The following SLC7A7 variants were observed in gnomAD, a reference collection of about 807,000 sequenced individuals.
The protein encoded by SLC7A7 is solute carrier family 7 member 7.
A neutral mutation model predicts 47.9 loss-of-function variants in SLC7A7; 39 were observed. The ratio of observed to expected loss-of-function variants is 0.81; its 90% CI spans 0.63 to 1.06. The LOEUF is 1.06. Among genes scored for constraint, SLC7A7 ranks in the 50% least tolerant of loss-of-function variants. The probability of loss-of-function intolerance (pLI) is 0.00; values close to 1 mark genes in which losing one functional copy is unlikely to be tolerated. For missense variants in SLC7A7, 588 were observed against 632.0 expected, an observed-to-expected ratio of 0.93 and a Z score of 0.75; for synonymous variants, 234 against 242.8, an observed-to-expected ratio of 0.96 and a Z score of 0.34.
chr14:22,797,189 G>A (rs2139430382), intron 2 of SLC7A7, among the ~76,000 whole-genome samples: 1 of 152,268 alleles, frequency 6.6e-6, no homozygotes, highest in Non-Finnish European at 1.5e-5. Context: ...CTAACTGTAT[G>A]CAAGAATGTG....
intron 2 of SLC7A7, among the ~76,000 whole-genome samples, chr14:22,803,714 C>T (rs1242179414): frequency 6.6e-6 from 1 of 152,100 alleles, no homozygotes; most frequent in Admixed American, 6.6e-5. Flanking sequence ...ACATAGGCCA[C>T]GGTAGAAATG....
At chr14:22,817,344 AT>A (rs2039421186), upstream of SLC7A7, 8 of 201,982 alleles carry the variant, frequency 4.0e-5, no homozygotes, top group South Asian at 5.9e-5. Context: ...ATTTTATTTT[AT>A]TTTATTTATT....
chr14:22,802,437 A>T (rs2039132642), intron 2 of SLC7A7, among the ~76,000 whole-genome samples: 1 of 32,022 alleles, frequency 3.1e-5, no homozygotes, highest in South Asian at 1.0e-3. Context: ...CAAACAAACA[A>T]AAAAAATATT....
chr14:22,775,152 TTCTTC>T (rs755243787), intron 7 of SLC7A7, among the ~76,000 whole-genome samples: 5 of 152,158 alleles, frequency 3.3e-5, no homozygotes, highest in East Asian at 3.8e-4. Context: ...AAGTGATCGT[TTCTTC>T]TCTTAAACAC....
At chr14:22,781,858 AT>A (rs1441880983) in intron 2 of SLC7A7, among the ~76,000 whole-genome samples, 2 of 152,182 alleles carry the variant, frequency 1.3e-5, no homozygotes, top group Admixed American at 1.3e-4. Context: ...GGAAAATGGG[AT>A]CCCCAAATAC....
chr14:22,783,504 G>A (rs561742055), intron 2 of SLC7A7, among the ~76,000 whole-genome samples: 11 of 150,734 alleles, frequency 7.3e-5, no homozygotes, highest in Admixed American at 6.6e-5. Context: ...GGGTTCAAGC[G>A]GTTCTCCTGC....
intron 1 of SLC7A7, among the ~76,000 whole-genome samples, chr14:22,814,124 G>A (rs35753892): frequency 0.59 from 88,822 of 151,238 alleles, 26,487 homozygotes; most frequent in East Asian, 0.8. Flanking sequence ...GCACTCATTC[G>A]CCAGAGAGAA....
At chr14:22,780,153 C>T in intron 2 of SLC7A7, 102 bp from the exon 3 acceptor site, 1 of 1,528,966 alleles carries the variant, frequency 6.5e-7, no homozygotes, top group Non-Finnish European at 9.0e-7. Flanking sequence ...TATATATACC[C>T]TTCAGCCAAA....
At chr14:22,813,469 T>C (rs2039355870) in intron 1 of SLC7A7, 29 bp from the exon 2 acceptor site, 3 of 1,589,988 alleles carry the variant, frequency 1.9e-6, no homozygotes, top group Non-Finnish European at 2.6e-6. Flanking sequence ...ATGCTATAGA[T>C]TAGGTGGTTG....
intron 4 of SLC7A7, 61 bp from the exon 5 acceptor site, chr14:22,776,379 A>G: frequency 6.2e-7 from 1 of 1,607,904 alleles, no homozygotes; most frequent in Non-Finnish European, 8.5e-7. Flanking sequence ...TCTCTCCTTT[A>G]ATCCTTAGAC....
chr14:22,799,181 T>C (rs2039066843), intron 2 of SLC7A7, among the ~76,000 whole-genome samples: 1 of 152,146 alleles, frequency 6.6e-6, no homozygotes, highest in South Asian at 2.1e-4. Context: ...TCAACTATAC[T>C]CAATCTTTAC....
intron 2 of SLC7A7, among the ~76,000 whole-genome samples, chr14:22,793,009 C>T (rs1326810875): frequency 4.0e-5 from 6 of 151,464 alleles, no homozygotes; most frequent in African/African-American, 1.2e-4. Context: ...CTCCGCCTCC[C>T]GGGTTCATGC....
At chr14:22,776,715 C>T (rs1229882147) in intron 4 of SLC7A7, among the ~76,000 whole-genome samples, 2 of 151,932 alleles carry the variant, frequency 1.3e-5, no homozygotes, top group African/African-American at 4.8e-5. Context: ...CGCCTGTAAT[C>T]CCAGCACTTT....
chr14:22,783,016 C>T (rs1215762438), intron 2 of SLC7A7, among the ~76,000 whole-genome samples: 5 of 152,000 alleles, frequency 3.3e-5, no homozygotes, highest in South Asian at 2.1e-4. Flanking sequence ...TCACTGCAAC[C>T]TCTGCCTCCA....
At chr14:22,776,471 A>G (rs1360449145) in intron 4 of SLC7A7, among the ~76,000 whole-genome samples, 153 bp from the exon 5 acceptor site, 1 of 152,190 alleles carries the variant, frequency 6.6e-6, no homozygotes, top group African/African-American at 2.4e-5. Flanking sequence ...GGTGCCCTGG[A>G]TAGTGGCTGA....
chr14:22,804,252 G>GA (rs1481755935), intron 2 of SLC7A7, among the ~76,000 whole-genome samples: 2 of 151,928 alleles, frequency 1.3e-5, no homozygotes, highest in East Asian at 1.9e-4. Context: ...AAAAACCCTA[G>GA]AAAAAAATCT....
intron 2 of SLC7A7, among the ~76,000 whole-genome samples, chr14:22,793,587 G>A (rs578008587): frequency 4.6e-5 from 7 of 151,984 alleles, no homozygotes; most frequent in Admixed American, 1.3e-4. Context: ...ATAGGAGGGC[G>A]GATCACCTGA....
intron 4 of SLC7A7, among the ~76,000 whole-genome samples, chr14:22,777,669 T>C (rs1343779387): frequency 2.6e-5 from 4 of 152,250 alleles, no homozygotes; most frequent in Non-Finnish European, 5.9e-5. Flanking sequence ...ATCCTGCTTC[T>C]GTTATCTCTG....
chr14:22,804,939 G>A (rs574861197), intron 2 of SLC7A7, among the ~76,000 whole-genome samples: 4 of 152,252 alleles, frequency 2.6e-5, no homozygotes, highest in African/African-American at 7.2e-5. Context: ...CTTGGGAGGC[G>A]GAGGTTGCAT....
Sources: gnomAD v4.1 joint callset for allele counts (sites outside exome capture counted in the v4.1 genomes callset) on GRCh38, gnomAD v4.1.1 for gene constraint, MANE v1.5 for transcripts, NCBI Gene and HGNC (gene_info 2026-07-23, HGNC 2026-07-21) for gene names.